The following ZKSCAN3 variants were observed in gnomAD, a reference collection of about 807,000 sequenced individuals.
ZKSCAN3 encodes the protein zinc finger with KRAB and SCAN domains 3.
A neutral mutation model predicts 30.7 loss-of-function variants in ZKSCAN3; 21 were observed. The ratio of observed to expected loss-of-function variants is 0.68; its 90% CI spans 0.49 to 0.99. The LOEUF (loss-of-function observed/expected upper bound fraction) is 0.99. ZKSCAN3 is among the 50% of genes least tolerant of loss of function. The pLI is 0.00. For missense variants in ZKSCAN3, 507 were observed against 647.1 expected, an observed-to-expected ratio of 0.78 and a Z score of 2.35; for synonymous variants, 201 against 246.7, an observed-to-expected ratio of 0.81 and a Z score of 1.73.
At chr6:28,363,449 C>G in intron 4 of ZKSCAN3, 64 bp downstream of exon 4, 2 of 1,491,042 alleles carry the variant, frequency 1.3e-6, no homozygotes, top group Non-Finnish European at 1.9e-6. Context: ...TGTGAAGACT[C>G]CTCACTCCCC....
Position 28,351,012 on chromosome 6 carries a change from C to T in ZKSCAN3, c.-63+945C>T, listed in dbSNP as rs1764972099. On this transcript the variant is annotated intron_variant, in intron 1 of 5. Transcript: ENST00000252211. The surrounding 1 kb of genome is among the most constrained non-coding windows in gnomAD (Gnocchi z 4.6). The stretch of plus-strand genomic sequence containing the variant: ...GGAGATCCACCAGTTTTCGAGCTTC[C>T]AGGAACGCCCTAGCCTGAAACTGGC... Among the ~76,000 whole-genome samples the T allele has an allele frequency of 1.3e-5, 2 of 152,150 alleles. No homozygotes were observed. Among genetic ancestry groups the T allele is most frequent in the South Asian group, 2.1e-4 (1 of 4,832 alleles).
chr6:28,364,806 C>T (rs1187146638), intron 5 of ZKSCAN3, among the ~76,000 whole-genome samples: 1 of 152,162 alleles, frequency 6.6e-6, no homozygotes, highest in Non-Finnish European at 1.5e-5. Context: ...TGGCTCACTG[C>T]ATCCTCTACC....
chr6:28,361,867 C>T (rs1329410184), intron 3 of ZKSCAN3, among the ~76,000 whole-genome samples: 3 of 151,608 alleles, frequency 2.0e-5, no homozygotes, highest in Non-Finnish European at 2.9e-5. Flanking sequence ...TCCTCTGGAT[C>T]GCTCACTGCA....
chr6:28,353,040 C>T (rs1765162272), intron 1 of ZKSCAN3, among the ~76,000 whole-genome samples: 1 of 149,018 alleles, frequency 6.7e-6, no homozygotes, highest in African/African-American at 2.5e-5. Flanking sequence ...GCGATCTTGG[C>T]TCATTGCAAC....
rs914156131 is a variant in ZKSCAN3, at chr6:28,368,822, T to G, written c.*2537T>G. 1.3e-5 allele frequency: 2 copies of G among 154,782 alleles called. No individual in the cohort carries two copies. The highest frequency in any genetic ancestry group is 4.8e-5 in the African/African-American group (2 of 41,512). 9.6% of individuals were successfully genotyped at this position (154,782 alleles called of 1,614,324 possible). On this transcript the variant is annotated 3_prime_UTR_variant, in exon 6 of 6. Coordinates refer to ENST00000252211, the MANE Select transcript of ZKSCAN3 (RefSeq NM_024493.4). ...TTCTACTTATTGTAGAAATATGCTTTCATTATTGCATCTACTCACATTTCT... is the reference window on the plus strand; with the variant it reads ...TTCTACTTATTGTAGAAATATGCTTGCATTATTGCATCTACTCACATTTCT...
intron 3 of ZKSCAN3, among the ~76,000 whole-genome samples, 196 bp downstream of exon 3, chr6:28,361,667 G>A (rs552065732): frequency 1.3e-5 from 2 of 152,138 alleles, no homozygotes; most frequent in East Asian, 3.9e-4. Flanking sequence ...TAGTAAATAA[G>A]ATATTAGTAA....
In ZKSCAN3 at chr6:28,359,724, C is replaced by T. The variant is rs371268050; in HGVS notation, c.138C>T (p.Arg46=). 5.6e-6 allele frequency: 9 copies of T among 1,614,018 alleles called. No individual in the cohort carries two copies. Among genetic ancestry groups the T allele is most frequent in the Non-Finnish European group, 6.8e-6 (8 of 1,180,050 alleles). The part of the protein sequence containing the change: ...SSPDLGSEGS[R]ERFRGFRYPE... ...CAGATCTGGGTTCTGAGGGCTCCCGCGAGCGCTTCCGAGGCTTCCGCTACC... is the reference window on the plus strand; with the variant it reads ...CAGATCTGGGTTCTGAGGGCTCCCGTGAGCGCTTCCGAGGCTTCCGCTACC... The change falls in exon 2 of 6, where the codon CGC becomes CGT. Residue 46 remains arginine (R), a synonymous_variant. Transcript: ENST00000252211.
rs1232025453 is a variant in ZKSCAN3, at chr6:28,368,744, GC to G, written c.*2461del. 1 of 155,312 alleles carries G rather than the reference GC, an allele frequency of 6.4e-6. No homozygotes were observed. Among genetic ancestry groups the G allele is most frequent in the Admixed American group, 6.5e-5 (1 of 15,286 alleles). The allele number at this position is 155,312 out of a possible 1,614,324, so 9.6% of individuals were successfully genotyped here. A position where few individuals can be genotyped will look rare whatever the true frequency, so the allele number is the denominator to read the frequency against. On this transcript the variant is annotated 3_prime_UTR_variant, in exon 6 of 6. Transcript: ENST00000252211. Reference sequence around the variant, plus strand: ...CACCAGAGAACCCTCAATGGGAGAAGCCTTATGAGTGTGACAACTGTGGAAA... The same window carrying G: ...CACCAGAGAACCCTCAATGGGAGAAGCTTATGAGTGTGACAACTGTGGAAA...
At chr6:28,361,851 AAG>A (rs1765781835) in intron 3 of ZKSCAN3, among the ~76,000 whole-genome samples, 1 of 151,632 alleles carries the variant, frequency 6.6e-6, no homozygotes, top group African/African-American at 2.4e-5. Context: ...TCCTGGGCTC[AAG>A]CGATCCTCTG....
At position 28,365,884 on chromosome 6, in the gene ZKSCAN3, A is replaced by G. The variant is rs758424457; in HGVS notation, c.1216A>G (p.Thr406Ala). Residue 406 changes from threonine (T) to alanine (A), a missense_variant, in exon 6 of 6, where the codon ACC becomes GCC. Coordinates refer to ENST00000252211, the MANE Select transcript of ZKSCAN3 (RefSeq NM_024493.4). ...CTATGAGTGTGATGACTGTGGGAAG[A>G]CCTTCAGCCAGAGCTGCAGCCTCCT... The part of the protein sequence containing the change: ...KPYECDDCGK[T>A]FSQSCSLLEH... 5 of 1,612,980 alleles carry G rather than the reference A, an allele frequency of 3.1e-6. No individual in the cohort carries two copies. The African/African-American group carries it at 5.3e-5, about 17-fold the overall frequency.
At position 28,359,645 on chromosome 6, in the gene ZKSCAN3, T is replaced by C. The variant is rs1765647583; in HGVS notation, c.59T>C (p.Met20Thr). ...GATGCCCAGTCTACAGAAGACCAGATGGAGCTTCTGGTCATAAAGGTGGAG... is the reference window on the plus strand; with the variant it reads ...GATGCCCAGTCTACAGAAGACCAGACGGAGCTTCTGGTCATAAAGGTGGAG... ...ALDAQSTEDQ[M>T]ELLVIKVEEE... is the part of the protein sequence containing the mutation. Residue 20 changes from methionine (M) to threonine (T), a missense_variant, in exon 2 of 6, where the codon ATG (methionine) becomes ACG (threonine). Physicochemically the swap from Met to Thr is moderately conservative, Grantham distance 81. Coordinates refer to ENST00000252211, the MANE Select transcript of ZKSCAN3 (RefSeq NM_024493.4). 9 of 1,614,102 alleles carry C rather than the reference T, an allele frequency of 5.6e-6. No homozygotes were observed. The highest frequency in any genetic ancestry group is 6.8e-6 in the Non-Finnish European group (8 of 1,180,054).
At chr6:28,350,741 C>G (rs1256056866) in intron 1 of ZKSCAN3, among the ~76,000 whole-genome samples, 3 of 152,104 alleles carry the variant, frequency 2.0e-5, no homozygotes, top group Non-Finnish European at 4.4e-5. Flanking sequence ...CATCAATTCA[C>G]TTTGTAATGG....
rs180861333 is a variant in ZKSCAN3 at position 28,363,760 on chromosome 6, G to T, written c.702G>T (p.Gln234His). ...AATGGACACAGCAGGATTCATCTCA[G>T]GGGAATCTCTGTAGAGATGAAAAGC... ...TPEWTQQDSSQGNLCRDEKQE... is the reference protein window; with the variant it reads ...TPEWTQQDSSHGNLCRDEKQE... The change falls in exon 5 of 6, where the codon CAG becomes CAT. Residue 234 changes from glutamine (Q) to histidine (H), a missense_variant. Physicochemically the swap from Gln to His is conservative, Grantham distance 24. Coordinates refer to ENST00000252211, the MANE Select transcript of ZKSCAN3 (RefSeq NM_024493.4). 3.2e-5 allele frequency: 51 copies of T among 1,614,058 alleles called. No homozygotes were observed. The Admixed American group carries it at 8.5e-4, about 27-fold the overall frequency.
At chr6:28,350,657 CTAT>C (rs1326687768) in intron 1 of ZKSCAN3, among the ~76,000 whole-genome samples, 1 of 152,084 alleles carries the variant, frequency 6.6e-6, no homozygotes, top group East Asian at 1.9e-4. Context: ...ATTAGTGGTA[CTAT>C]TATTATTTAT....
intron 1 of ZKSCAN3, among the ~76,000 whole-genome samples, chr6:28,357,925 A>G (rs973420841): frequency 2.6e-5 from 4 of 152,218 alleles, no homozygotes; most frequent in African/African-American, 9.6e-5. Context: ...GGCAAGCCTC[A>G]CTTCAGATAT....
In ZKSCAN3 at chr6:28,365,601, G is replaced by C; in HGVS notation, c.933G>C (p.Gly311=). The C allele has an allele frequency of 6.2e-7, 1 of 1,614,254 alleles. No individual in the cohort carries two copies. Among genetic ancestry groups the C allele is most frequent in the Non-Finnish European group, 8.5e-7 (1 of 1,180,046 alleles). The part of the protein sequence containing the change: ...LQRKQKNATG[G]RRHICHECGK... ...GAAAGCAGAAAAATGCCACAGGAGG[G>C]AGGCGGCACATCTGCCATGAATGTG... The change falls in exon 6 of 6, where the codon GGG becomes GGC. Residue 311 remains glycine, a synonymous_variant. Coordinates refer to ENST00000252211, the MANE Select transcript of ZKSCAN3 (RefSeq NM_024493.4).
At chr6:28,352,333 A>G (rs959686495) in intron 1 of ZKSCAN3, among the ~76,000 whole-genome samples, 1 of 152,076 alleles carries the variant, frequency 6.6e-6, no homozygotes, top group Admixed American at 6.5e-5. Flanking sequence ...TTTCATTGCA[A>G]TCTCCATCTC....
chr6:28,360,023 G>T, intron 2 of ZKSCAN3, 35 bp downstream of exon 2: 1 of 1,614,118 alleles, frequency 6.2e-7, no homozygotes, highest in Non-Finnish European at 8.5e-7. Flanking sequence ...GAGCGCTGTG[G>T]CCTGTTTCCT....
At position 28,365,707 on chromosome 6, in the gene ZKSCAN3, T is replaced by G; in HGVS notation, c.1039T>G (p.Cys347Gly). ...TGAGAAACCCTACGAATGTGAAGAG[T>G]GTGGCAAAGCCTTCATTGGGAGCTC... ...TGEKPYECEE[C>G]GKAFIGSSAL... The change falls in exon 6 of 6, where the codon TGT (cysteine) becomes GGT (glycine). Residue 347 changes from cysteine to glycine, a missense_variant. Physicochemically the swap from Cys to Gly is radical, Grantham distance 159. Coordinates refer to ENST00000252211, the MANE Select transcript of ZKSCAN3 (RefSeq NM_024493.4). The G allele has an allele frequency of 6.2e-7, 1 of 1,613,876 alleles. No individual in the cohort carries two copies.
Sources: allele counts gnomAD v4.1 joint callset (sites outside exome capture counted in the v4.1 genomes callset), GRCh38; gene constraint gnomAD v4.1.1; non-coding constraint Gnocchi (gnomAD v3.1); transcripts MANE v1.5; gene names NCBI Gene and HGNC (gene_info 2026-07-23, HGNC 2026-07-21).